PTPRO: variants seen among roughly 807,000 people sequenced by gnomAD.
PTPRO encodes receptor-type tyrosine-protein phosphatase O.
PTPRO carries 62 observed loss-of-function variants against 145.2 expected under a neutral mutation model. That is an observed-to-expected ratio of 0.43 (90% CI 0.35 to 0.53). The LOEUF (loss-of-function observed/expected upper bound fraction) is 0.53. Ranked by LOEUF, PTPRO falls within the 20% of genes least tolerant of loss-of-function variation. The pLI is 0.01. For missense variants in PTPRO, 1,345 were observed against 1,482.7 expected, an observed-to-expected ratio of 0.91 and a Z score of 1.53; for synonymous variants, 565 against 514.7, an observed-to-expected ratio of 1.10 and a Z score of -1.32.
chr12:15,512,107 GTT>G, intron 7 of PTPRO, among the ~76,000 whole-genome samples: 1 of 150,050 alleles, frequency 6.7e-6, no homozygotes, highest in Non-Finnish European at 1.5e-5. Flanking sequence ...ATGTTTTTTT[GTT>G]TGTTTGTTTT....
chr12:15,494,427 C>G (rs1331162715), intron 2 of PTPRO, among the ~76,000 whole-genome samples: 3 of 152,136 alleles, frequency 2.0e-5, no homozygotes, highest in Non-Finnish European at 4.4e-5. Context: ...CTAGTTCATA[C>G]CACACCACTT....
At chr12:15,504,856 G>A (rs1237945193) in intron 6 of PTPRO, among the ~76,000 whole-genome samples, 4 of 152,188 alleles carry the variant, frequency 2.6e-5, no homozygotes, top group African/African-American at 2.4e-5. Context: ...GTTGAAGGAC[G>A]GATGAGAGCA....
intron 12 of PTPRO, among the ~76,000 whole-genome samples, chr12:15,538,805 CTTGA>C (rs772109077): frequency 6.6e-6 from 1 of 152,154 alleles, no homozygotes; most frequent in African/African-American, 2.4e-5. Context: ...AATAAGGACC[CTTGA>C]TTAGGAGTCC....
chr12:15,560,639 G>C (rs1390749260), intron 17 of PTPRO, among the ~76,000 whole-genome samples: 1 of 152,062 alleles, frequency 6.6e-6, no homozygotes, highest in Non-Finnish European at 1.5e-5. Context: ...AATGCATTAA[G>C]ATGGAGAAAT....
intron 12 of PTPRO, among the ~76,000 whole-genome samples, chr12:15,526,751 T>C (rs1444554376): frequency 6.6e-6 from 1 of 151,988 alleles, no homozygotes; most frequent in South Asian, 2.1e-4. Flanking sequence ...TTCCTAAATA[T>C]ATGGTCAGAC....
At chr12:15,420,847 G>A (rs918737734) in intron 1 of PTPRO, among the ~76,000 whole-genome samples, 16 of 152,212 alleles carry the variant, frequency 1.1e-4, no homozygotes, top group African/African-American at 1.9e-4. Flanking sequence ...TCTACCTCAC[G>A]GGGCGTTTGT....
chr12:15,483,881 A>G (rs192810718), intron 1 of PTPRO, 93 bp from the exon 2 acceptor site: 1 of 1,358,054 alleles, frequency 7.4e-7, no homozygotes, highest in African/African-American at 1.4e-5. Context: ...TGTTTATGAT[A>G]CACAACAATA....
At chr12:15,436,995 T>A (rs1487072374) in intron 1 of PTPRO, among the ~76,000 whole-genome samples, 1 of 151,954 alleles carries the variant, frequency 6.6e-6, no homozygotes, top group Admixed American at 6.6e-5. Flanking sequence ...TCCCCTGAGA[T>A]CGTGGTGCAA....
At chr12:15,415,667 G>A (rs1939950776) in intron 1 of PTPRO, among the ~76,000 whole-genome samples, 1 of 151,788 alleles carries the variant, frequency 6.6e-6, no homozygotes, top group African/African-American at 2.4e-5. Context: ...TTACAGGCGT[G>A]AGCCACTGTG....
intron 1 of PTPRO, among the ~76,000 whole-genome samples, chr12:15,351,568 T>C (rs953194424): frequency 6.6e-6 from 1 of 152,174 alleles, no homozygotes; most frequent in African/African-American, 2.4e-5. Flanking sequence ...CTTTTAGCTT[T>C]GGGGGCCAGT....
In PTPRO at chr12:15,504,057, A is replaced by G. The variant is rs201131856; in HGVS notation, c.1255A>G (p.Ser419Gly). 197 of 1,612,000 alleles carry G rather than the reference A, an allele frequency of 1.2e-4. No individual in the cohort carries two copies. Among genetic ancestry groups the G allele is most frequent in the Admixed American group, 1.8e-4 (11 of 59,970 alleles). The change falls in exon 6 of 27, where the codon AGC becomes GGC. Residue 419 changes from serine to glycine, a missense_variant. Transcript: ENST00000281171. Reference protein sequence around the residue: ...TRKSQSAKSLSFYISPSGEWI... With the variant: ...TRKSQSAKSLGFYISPSGEWI... The stretch of plus-strand genomic sequence containing the variant: ...AAAAAGTCAGTCAGCAAAATCACTC[A>G]GCTTTTATATCAGTAAGTAACAAAG...
chr12:15,469,431 T>C (rs899520320), intron 1 of PTPRO, among the ~76,000 whole-genome samples: 4 of 152,212 alleles, frequency 2.6e-5, no homozygotes, highest in African/African-American at 9.7e-5. Context: ...GGAATTTGCC[T>C]GATCACTGAA....
chr12:15,517,411 C>T (rs1256470811), intron 9 of PTPRO, among the ~76,000 whole-genome samples: 1 of 152,186 alleles, frequency 6.6e-6, no homozygotes, highest in Non-Finnish European at 1.5e-5. Context: ...GGTGAGAACA[C>T]AACCAAACCA....
chr12:15,523,782 A>C (rs1942777871), intron 10 of PTPRO, among the ~76,000 whole-genome samples: 1 of 151,852 alleles, frequency 6.6e-6, no homozygotes, highest in South Asian at 2.1e-4. Context: ...CTCAAAAGTA[A>C]AAATAAAATA....
chr12:15,357,560 C>G (rs1256265651), intron 1 of PTPRO, among the ~76,000 whole-genome samples: 5 of 151,836 alleles, frequency 3.3e-5, no homozygotes, highest in African/African-American at 1.2e-4. Flanking sequence ...ACAACCCCAT[C>G]AAAAAGTGGG....
chr12:15,535,656 C>A (rs932176601), intron 12 of PTPRO, among the ~76,000 whole-genome samples: 1 of 152,224 alleles, frequency 6.6e-6, no homozygotes. Flanking sequence ...ACAGTCATTT[C>A]GTACTTTTTA....
chr12:15,577,331 A>T (rs1591760472), intron 19 of PTPRO, among the ~76,000 whole-genome samples: 1 of 152,246 alleles, frequency 6.6e-6, no homozygotes, highest in African/African-American at 2.4e-5. Context: ...AATGCCATTA[A>T]GCGCAAGGTA....
At chr12:15,486,466 G>A (rs1200614512) in intron 2 of PTPRO, among the ~76,000 whole-genome samples, 1 of 152,044 alleles carries the variant, frequency 6.6e-6, no homozygotes, top group Non-Finnish European at 1.5e-5. Flanking sequence ...ATAGAGTTGA[G>A]TCTTGCTTTT....
At chr12:15,570,766 G>A (rs1044052303) in intron 19 of PTPRO, among the ~76,000 whole-genome samples, 5 of 152,094 alleles carry the variant, frequency 3.3e-5, no homozygotes, top group South Asian at 2.1e-4. Context: ...TGATTCTAAC[G>A]ATGATAGAAA....
Sources: allele counts gnomAD v4.1 joint callset (sites outside exome capture counted in the v4.1 genomes callset), GRCh38; gene constraint gnomAD v4.1.1; transcripts MANE v1.5; gene names NCBI Gene and HGNC (gene_info 2026-07-23, HGNC 2026-07-21).